PTPN3: variants seen among roughly 807,000 people sequenced by gnomAD.
PTPN3 encodes tyrosine-protein phosphatase non-receptor type 3.
In PTPN3, 96 loss-of-function variants were observed where a neutral mutation model predicts 132.7. The ratio of observed to expected loss-of-function variants is 0.72; its 90% CI spans 0.61 to 0.86. PTPN3 has a LOEUF of 0.86. Among genes scored for constraint, PTPN3 ranks in the 40% least tolerant of loss-of-function variants. The probability of loss-of-function intolerance (pLI) is 0.00; values close to 1 mark genes in which losing one functional copy is unlikely to be tolerated. For missense variants in PTPN3, 1,125 were observed against 1,159.6 expected, an observed-to-expected ratio of 0.97 and a Z score of 0.43; for synonymous variants, 398 against 429.0, an observed-to-expected ratio of 0.93 and a Z score of 0.89.
chr9:109,479,009 GT>G (rs796293710), intron 1 of PTPN3, among the ~76,000 whole-genome samples: 380 of 140,452 alleles, frequency 2.7e-3, no homozygotes, highest in East Asian at 0.011. Flanking sequence ...GTAAACAAGC[GT>G]TTTTTTTTTT....
intron 1 of PTPN3, among the ~76,000 whole-genome samples, chr9:109,478,015 G>C (rs943598296): frequency 6.6e-6 from 1 of 152,206 alleles, no homozygotes; most frequent in African/African-American, 2.4e-5. Flanking sequence ...GGGTGTAGCA[G>C]GGGCCTGGAT....
At chr9:109,473,468 A>T (rs922467640) in intron 1 of PTPN3, among the ~76,000 whole-genome samples, 4 of 152,244 alleles carry the variant, frequency 2.6e-5, no homozygotes, top group African/African-American at 9.6e-5. Flanking sequence ...CTAACAAAAT[A>T]AAAGTTATAC....
chr9:109,522,299 C>A, the PTPN3 span, among the ~76,000 whole-genome samples: 1 of 152,112 alleles, frequency 6.6e-6, no homozygotes, highest in Non-Finnish European at 1.5e-5. Flanking sequence ...GGCTATAGAC[C>A]AAAGGCCAAA....
intron 1 of PTPN3, among the ~76,000 whole-genome samples, chr9:109,474,085 C>T (rs1208759800): frequency 1.3e-5 from 2 of 152,096 alleles, no homozygotes; most frequent in Non-Finnish European, 2.9e-5. Context: ...AGTCACTGAA[C>T]AGTGACTGGT....
At chr9:109,419,180 A>G (rs1484736766) in intron 14 of PTPN3, among the ~76,000 whole-genome samples, 1 of 152,240 alleles carries the variant, frequency 6.6e-6, no homozygotes, top group Non-Finnish European at 1.5e-5. Context: ...GAATGACCAC[A>G]GGGATTATTT....
At chr9:109,482,981 AG>A (rs1265817901) in intron 1 of PTPN3, among the ~76,000 whole-genome samples, 1 of 152,244 alleles carries the variant, frequency 6.6e-6, no homozygotes, top group Non-Finnish European at 1.5e-5. Context: ...ACTCAGCCTC[AG>A]GAAGAGCTGC....
chr9:109,389,108 G>T (rs1839838803), intron 22 of PTPN3, 125 bp downstream of exon 22: 3 of 1,280,426 alleles, frequency 2.3e-6, no homozygotes, highest in Non-Finnish European at 3.2e-6. Context: ...CTCTGTAGAG[G>T]AGACTTAGGG....
chr9:109,504,756 G>A, the PTPN3 span, among the ~76,000 whole-genome samples: 1 of 152,166 alleles, frequency 6.6e-6, no homozygotes, highest in Non-Finnish European at 1.5e-5. Context: ...TAAGTGTAGG[G>A]ACTTTAAGAT....
rs1554777655 is a variant in PTPN3, at chr9:109,391,879, G to GGC, written c.1954-319_1954-318insGC. On this transcript the variant is annotated intron_variant, in intron 19 of 25. Transcript: ENST00000374541. ...TAAAAGCAACTAGATGTGGGGGGGGGGGGGAAGAATTCTGGCTCAAAATTA... is the reference window on the plus strand; with the variant it reads ...TAAAAGCAACTAGATGTGGGGGGGGGGCGGGGAAGAATTCTGGCTCAAAATTA... Among the ~76,000 whole-genome samples the GGC allele has an allele frequency of 7.8e-3, 757 of 96,910 alleles. 51 individuals are homozygous for GGC. Among genetic ancestry groups the GGC allele is most frequent in the Middle Eastern group, 0.03 (6 of 200 alleles). 63.6% of individuals were successfully genotyped at this position (96,910 alleles called of 152,430 possible).
In PTPN3 at chr9:109,458,998, G is replaced by A. The variant is rs184384146; in HGVS notation, c.139-1599C>T. Among the ~76,000 whole-genome samples the A allele has an allele frequency of 2.0e-4, 31 of 152,304 alleles. No individual in the cohort carries two copies. The East Asian group carries it at 4.6e-3, about 23-fold the overall frequency. On this transcript the variant is annotated intron_variant, in intron 2 of 25. Coordinates refer to ENST00000374541, the MANE Select transcript of PTPN3 (RefSeq NM_002829.4). ...TCCCTTGCCAACGAGCAGAGGCACC[G>A]AGAGGCTCCGTGCCTTGCACCATCA...
At chr9:109,425,811 G>A (rs765687350) in intron 12 of PTPN3, among the ~76,000 whole-genome samples, 7 of 151,878 alleles carry the variant, frequency 4.6e-5, no homozygotes, top group Non-Finnish European at 7.4e-5. Context: ...TCAGGAATTC[G>A]AGACCAGGCT....
chr9:109,481,113 T>G (rs1846939113), intron 1 of PTPN3, among the ~76,000 whole-genome samples: 1 of 152,172 alleles, frequency 6.6e-6, no homozygotes, highest in Admixed American at 6.5e-5. Context: ...ACCTAAAAAT[T>G]ACCCAAGATC....
chr9:109,382,854 A>G (rs548472671), intron 23 of PTPN3, among the ~76,000 whole-genome samples: 3 of 151,992 alleles, frequency 2.0e-5, no homozygotes, highest in African/African-American at 7.2e-5. Flanking sequence ...AATACTCGCA[A>G]TGTTGTAGAG....
chr9:109,424,473 T>C (rs1843102806), intron 12 of PTPN3, among the ~76,000 whole-genome samples: 2 of 152,274 alleles, frequency 1.3e-5, no homozygotes, highest in Non-Finnish European at 1.5e-5. Context: ...CTGGGTTGGC[T>C]TGTGACTGCT....
intron 21 of PTPN3, 55 bp downstream of exon 21, chr9:109,391,083 A>G (rs757681491): frequency 6.6e-7 from 1 of 1,519,230 alleles, no homozygotes; most frequent in Non-Finnish European, 9.1e-7. Flanking sequence ...GGCCCTCATC[A>G]TCGTTGCGAC....
At chr9:109,385,881 G>A (rs1839542104) in intron 22 of PTPN3, among the ~76,000 whole-genome samples, 1 of 152,174 alleles carries the variant, frequency 6.6e-6, no homozygotes, top group Non-Finnish European at 1.5e-5. Context: ...CAGTCCCCAG[G>A]TGTGGTTTCG....
chr9:109,495,129 C>T (rs1259018677), intron 1 of PTPN3, among the ~76,000 whole-genome samples: 1 of 152,218 alleles, frequency 6.6e-6, no homozygotes, highest in Non-Finnish European at 1.5e-5. Flanking sequence ...TGGTCTCCTC[C>T]TGTCTCTATT....
intron 19 of PTPN3, among the ~76,000 whole-genome samples, chr9:109,393,235 T>C (rs1840278437): frequency 6.6e-6 from 1 of 152,218 alleles, no homozygotes; most frequent in African/African-American, 2.4e-5. Context: ...TTTACACATA[T>C]GATCTTTAAT....
In PTPN3 at chr9:109,404,492, G is replaced by C; in HGVS notation, c.1909C>G (p.Leu637Val). 1 of 1,543,740 alleles carries C rather than the reference G, an allele frequency of 6.5e-7. No individual in the cohort carries two copies. Among genetic ancestry groups the C allele is most frequent in the Non-Finnish European group, 8.8e-7 (1 of 1,133,778 alleles). The change falls in exon 19 of 26, where the codon CTA (leucine) becomes GTA (valine). Residue 637 changes from leucine to valine, a missense_variant. Transcript: ENST00000374541. The stretch of plus-strand genomic sequence containing the variant: ...GTCCCGCTTTCGAGGCCCTTCTTTA[G>C]CTGTGCCATGGATCCCTCCAAAGTG... ...GDTLEGSMAQ[L>V]KKGLESGTVL...
Sources: allele counts gnomAD v4.1 joint callset (sites outside exome capture counted in the v4.1 genomes callset), GRCh38; gene constraint gnomAD v4.1.1; transcripts MANE v1.5; gene names NCBI Gene and HGNC (gene_info 2026-07-23, HGNC 2026-07-21).